The following RPAP2 variants were observed in gnomAD, a reference collection of about 807,000 sequenced individuals.
RPAP2 encodes the protein RNA polymerase II associated protein 2, also known as putative RNA polymerase II subunit B1 CTD phosphatase RPAP2.
A neutral mutation model predicts 73.1 loss-of-function variants in RPAP2; 52 were observed. The observed-to-expected ratio is 0.71, with a 90% CI of 0.57 to 0.90. The LOEUF (loss-of-function observed/expected upper bound fraction) is 0.90, where lower values mean the gene tolerates loss of function less well. Among genes scored for constraint, RPAP2 ranks in the 40% least tolerant of loss-of-function variants. The pLI, the probability that RPAP2 is intolerant of heterozygous loss-of-function variation, is 0.00. For missense variants in RPAP2, 598 were observed against 701.8 expected (o/e 0.85, Z 1.67); for synonymous variants, 225 against 242.1 (o/e 0.93, Z 0.65).
At chr1:92,335,881 CA>C in intron 9 of RPAP2, among the ~76,000 whole-genome samples, 1 of 152,126 alleles carries the variant, frequency 6.6e-6, no homozygotes, top group East Asian at 1.9e-4. Context: ...AAATTTTTTT[CA>C]TAGTAAAACT....
At chr1:92,322,881 ATATT>A (rs1446012525) in intron 7 of RPAP2, among the ~76,000 whole-genome samples, 5 of 148,228 alleles carry the variant, frequency 3.4e-5, no homozygotes, top group African/African-American at 7.4e-5. Context: ...TTAAAAATAT[ATATT>A]TATTTTTATA....
chr1:92,342,409 A>G (rs144776293), intron 10 of RPAP2, among the ~76,000 whole-genome samples: 67 of 152,322 alleles, frequency 4.4e-4, no homozygotes, highest in African/African-American at 1.6e-3. Flanking sequence ...ATGTGGTCAG[A>G]GAAGTATGGG....
At chr1:92,346,119 T>C (rs1653883837) in intron 11 of RPAP2, among the ~76,000 whole-genome samples, 1 of 152,170 alleles carries the variant, frequency 6.6e-6, no homozygotes, top group African/African-American at 2.4e-5. Context: ...CCATCTTTTC[T>C]TCTGAATACC....
chr1:92,377,349 T>C (rs1655422742), intron 11 of RPAP2, among the ~76,000 whole-genome samples: 1 of 151,724 alleles, frequency 6.6e-6, no homozygotes, highest in Non-Finnish European at 1.5e-5. Context: ...TGAAACCACT[T>C]CTCTACTAAA....
intron 10 of RPAP2, among the ~76,000 whole-genome samples, chr1:92,343,859 C>T (rs1426231508): frequency 6.6e-6 from 1 of 152,044 alleles, no homozygotes; most frequent in Admixed American, 6.6e-5. Context: ...ATACTGTGGT[C>T]CAGATAGGCC....
At chr1:92,314,260 A>C (rs1651770445) in intron 6 of RPAP2, among the ~76,000 whole-genome samples, 3 of 151,912 alleles carry the variant, frequency 2.0e-5, no homozygotes, top group Admixed American at 6.6e-5. Context: ...AGTGAAAGAA[A>C]GTGTGACTCT....
At chr1:92,328,511 T>C (rs1571068192) in intron 8 of RPAP2, among the ~76,000 whole-genome samples, 1 of 152,228 alleles carries the variant, frequency 6.6e-6, no homozygotes, top group East Asian at 1.9e-4. Flanking sequence ...GTTTTTTATT[T>C]ATGCTATCTA....
chr1:92,328,742 T>C (rs1652788017), intron 8 of RPAP2, among the ~76,000 whole-genome samples: 1 of 152,172 alleles, frequency 6.6e-6, no homozygotes, highest in Non-Finnish European at 1.5e-5. Context: ...ATTACTAGAA[T>C]TGTTTTTCTG....
In RPAP2 at chr1:92,305,432, C is replaced by CAAAAAAAAAAAAAAAAAAAAAA. The variant is rs71091273; in HGVS notation, c.399+1102_399+1103insAAAAAAAAAAAAAAAAAAAAAA. 1.6e-3 allele frequency among the ~76,000 whole-genome samples: 85 copies of CAAAAAAAAAAAAAAAAAAAAAA among 52,654 alleles called. 2 individuals are homozygous for CAAAAAAAAAAAAAAAAAAAAAA. Among genetic ancestry groups the CAAAAAAAAAAAAAAAAAAAAAA allele is most frequent in the African/African-American group, 5.3e-3 (40 of 7,512 alleles). 34.5% of individuals were successfully genotyped at this position (52,654 alleles called of 152,430 possible). A position where few individuals can be genotyped will look rare whatever the true frequency, so the allele number is the denominator to read the frequency against. On this transcript the variant is annotated intron_variant, in intron 5 of 12. Transcript: ENST00000610020. ...GGGGCAACAGAGTGAGGCTCCGTCT[C>CAAAAAAAAAAAAAAAAAAAAAA]AAAAAAAAAAAAAAAAAAAGACAAT...
chr1:92,318,428 C>G (rs1343567736), intron 6 of RPAP2, among the ~76,000 whole-genome samples: 1 of 152,180 alleles, frequency 6.6e-6, no homozygotes, highest in African/African-American at 2.4e-5. Flanking sequence ...TGTCTGATAT[C>G]CAAGCCTACA....
intron 12 of RPAP2, 103 bp from the exon 13 acceptor site, chr1:92,386,908 T>C: frequency 1.2e-6 from 1 of 864,334 alleles, no homozygotes; most frequent in Non-Finnish European, 1.7e-6. Flanking sequence ...GATGGGGGTT[T>C]CACCATGCTG....
At chr1:92,321,539 T>G (rs1652264928) in intron 7 of RPAP2, among the ~76,000 whole-genome samples, 1 of 152,114 alleles carries the variant, frequency 6.6e-6, no homozygotes, top group Non-Finnish European at 1.5e-5. Flanking sequence ...ATCCTGATCT[T>G]TTAAAGTTTT....
Position 92,340,582 on chromosome 1 carries a change from G to A in RPAP2, c.1619+4155G>A, listed in dbSNP as rs148069499. ...GAGCTTTTAACAACTATAGATGTCC[G>A]GCTCCACCCTAGAGATTGAGTTTCA... On this transcript the variant is annotated intron_variant, in intron 10 of 12. Transcript: ENST00000610020. 7.2e-3 allele frequency among the ~76,000 whole-genome samples: 1,102 copies of A among 152,268 alleles called. 8 individuals carry two copies. Among genetic ancestry groups the A allele is most frequent in the South Asian group, 0.015 (70 of 4,826 alleles).
intron 6 of RPAP2, among the ~76,000 whole-genome samples, chr1:92,315,684 T>G (rs1266180433): frequency 1.3e-5 from 2 of 152,220 alleles, no homozygotes; most frequent in African/African-American, 4.8e-5. Flanking sequence ...TAAATAAATT[T>G]AAGATTTAGA....
chr1:92,351,305 C>CAAAAAAAAAAAAAAAAAAAAAAAAA (rs60111119), intron 11 of RPAP2, among the ~76,000 whole-genome samples: 1 of 86,838 alleles, frequency 1.2e-5, no homozygotes, highest in African/African-American at 4.2e-5. Flanking sequence ...GACTCTGTCT[C>CAAAAAAAAAAAAAAAAAAAAAAAAA]AAAAAAAAAA....
intron 1 of RPAP2, among the ~76,000 whole-genome samples, chr1:92,299,736 T>C (rs1404653948): frequency 6.6e-6 from 1 of 152,238 alleles, no homozygotes; most frequent in Non-Finnish European, 1.5e-5. Flanking sequence ...TCTCCCTTCC[T>C]ATTTCATTTT....
At chr1:92,312,335 A>G (rs771534831) in intron 6 of RPAP2, among the ~76,000 whole-genome samples, 1 of 151,946 alleles carries the variant, frequency 6.6e-6, no homozygotes, top group Non-Finnish European at 1.5e-5. Flanking sequence ...CTAGAAGATC[A>G]CTTGAGCATA....
intron 8 of RPAP2, among the ~76,000 whole-genome samples, chr1:92,327,336 G>A (rs1652694968): frequency 6.6e-6 from 1 of 152,032 alleles, no homozygotes; most frequent in South Asian, 2.1e-4. Flanking sequence ...AAATTTGGGA[G>A]CTCCAGGTTT....
At chr1:92,363,958 T>TA (rs1654831666) in intron 11 of RPAP2, among the ~76,000 whole-genome samples, 1 of 152,184 alleles carries the variant, frequency 6.6e-6, no homozygotes, top group African/African-American at 2.4e-5. Flanking sequence ...AGTAGGCTAT[T>TA]TATAGTTAAG....
Sources: allele counts gnomAD v4.1 joint callset (sites outside exome capture counted in the v4.1 genomes callset), GRCh38; gene constraint gnomAD v4.1.1; transcripts MANE v1.5; gene names NCBI Gene and HGNC (gene_info 2026-07-23, HGNC 2026-07-21).